MYO7A: variants seen among roughly 807,000 people sequenced by gnomAD.
MYO7A encodes unconventional myosin-VIIa.
In MYO7A, 210 loss-of-function variants were observed where a neutral mutation model predicts 263.8. That is an observed-to-expected ratio of 0.80 (90% CI 0.71 to 0.89). MYO7A has a LOEUF of 0.89. Among genes scored for constraint, MYO7A ranks in the 40% least tolerant of loss-of-function variants. MYO7A has a pLI of 0.00. For missense variants in MYO7A, 2,820 were observed against 2,968.3 expected (o/e 0.95, Z 1.16); for synonymous variants, 1,239 against 1,197.3 (o/e 1.03, Z -0.72).
rs1487030972 is a variant in MYO7A at position 77,184,606 on chromosome 11, G to A, written c.3394G>A (p.Asp1132Asn). 8 of 1,567,968 alleles carry A rather than the reference G, an allele frequency of 5.1e-6. No homozygotes were observed. The highest frequency in any genetic ancestry group is 6.9e-6 in the Non-Finnish European group (8 of 1,156,066). Residue 1132 changes from aspartate (D) to asparagine (N), a missense_variant, in exon 27 of 49, where the codon GAC (aspartate) becomes AAC (asparagine). Transcript: ENST00000409709. ...GGCCCAGGTGACCAAGAGGCTGCAT[G>A]ACGGGGAGTCCACAGTGCAGGGCAA... Reference protein sequence around the residue: ...LTEEVTKRLHDGESTVQGNSM... With the variant: ...LTEEVTKRLHNGESTVQGNSM...
Position 77,155,270 on chromosome 11 carries a change from G to T in MYO7A, c.286-637G>T, listed in dbSNP as rs536443432. On this transcript the variant is annotated intron_variant, in intron 4 of 48. Transcript: ENST00000409709. ...AGCCCAAGTAGAGAACCTCCTTAAG[G>T]CTATCTGAGGTGCACCTGGCCCCTG... Among the ~76,000 whole-genome samples the T allele has an allele frequency of 5.9e-5, 9 of 152,240 alleles. No homozygotes were observed. In the East Asian group the frequency reaches 1.7e-3, roughly 30 times the overall value.
intron 15 of MYO7A, among the ~76,000 whole-genome samples, chr11:77,171,991 G>T (rs1335840990): frequency 1.3e-5 from 2 of 152,346 alleles, no homozygotes; most frequent in African/African-American, 2.4e-5. Flanking sequence ...CAGTGCGGGG[G>T]GTTAGGAGGA....
At chr11:77,201,289 C>T (rs762434390) in intron 35 of MYO7A, among the ~76,000 whole-genome samples, 159 bp from the exon 36 acceptor site, 5 of 152,172 alleles carry the variant, frequency 3.3e-5, no homozygotes, top group Admixed American at 1.3e-4. Context: ...AGGAGAGTAG[C>T]CCACTCTGGT....
intron 4 of MYO7A, among the ~76,000 whole-genome samples, chr11:77,153,982 G>A (rs1268356776): frequency 3.3e-5 from 5 of 152,196 alleles, no homozygotes; most frequent in African/African-American, 1.2e-4. Context: ...GGGCATGGTG[G>A]CACATGCCTA....
chr11:77,180,271 T>G, intron 21 of MYO7A, 103 bp from the exon 22 acceptor site: 2 of 1,102,476 alleles, frequency 1.8e-6, no homozygotes, highest in Non-Finnish European at 2.7e-6. Flanking sequence ...ATCAAAGTCA[T>G]GCCCAGTTCC....
chr11:77,175,027 T>C, intron 17 of MYO7A, 113 bp downstream of exon 17: 1 of 1,350,632 alleles, frequency 7.4e-7, no homozygotes. Flanking sequence ...GCTTGACCTC[T>C]CAGGTGCAGC....
chr11:77,147,706 C>G, intron 3 of MYO7A, 92 bp from the exon 4 acceptor site: 5 of 1,531,616 alleles, frequency 3.3e-6, no homozygotes, highest in African/African-American at 1.4e-5. Context: ...CGGGTTGGCA[C>G]TCACCCCGCG....
In MYO7A at chr11:77,162,940, C is replaced by G; in HGVS notation, c.1642C>G (p.Gln548Glu). The G allele has an allele frequency of 6.2e-7, 1 of 1,613,854 alleles. No homozygotes were observed. Among genetic ancestry groups the G allele is most frequent in the Non-Finnish European group, 8.5e-7 (1 of 1,179,868 alleles). Residue 548 changes from glutamine to glutamate, a missense_variant, in exon 14 of 49, where the codon CAG becomes GAG. Physicochemically the swap from Gln to Glu is conservative, Grantham distance 29. Transcript: ENST00000409709. ...CCCCCCCAAGAACAACCATGAGACCCAGTTTGGCATCAACCATTTTGCAGG... is the reference window on the plus strand; with the variant it reads ...CCCCCCCAAGAACAACCATGAGACCGAGTTTGGCATCAACCATTTTGCAGG... ...YIPPKNNHET[Q>E]FGINHFAGIV...
chr11:77,191,001 A>G, intron 30 of MYO7A, 131 bp downstream of exon 30: 1 of 1,085,160 alleles, frequency 9.2e-7, no homozygotes, highest in East Asian at 2.6e-5. Flanking sequence ...AGCCTGTGCT[A>G]ATTGGCTCTG....
In MYO7A at chr11:77,197,463, G is replaced by A; in HGVS notation, c.4324-18G>A. On this transcript the variant is annotated intron_variant, in intron 32 of 48. Coordinates refer to ENST00000409709, the MANE Select transcript of MYO7A (RefSeq NM_000260.4). ...CTCGTATGTTGTCTTCTGTCCCTCT[G>A]TCCCTCTCTCCTTCCAGGGGATTTA... The A allele has an allele frequency of 6.5e-7, 1 of 1,544,868 alleles. No individual in the cohort carries two copies. Among genetic ancestry groups the A allele is most frequent in the South Asian group, 1.2e-5 (1 of 84,560 alleles).
chr11:77,147,762 C>A, intron 3 of MYO7A, 36 bp from the exon 4 acceptor site: 1 of 1,602,524 alleles, frequency 6.2e-7, no homozygotes, highest in Non-Finnish European at 8.5e-7. Context: ...CAGCCTGGGC[C>A]CCAGGAGAGC....
chr11:77,190,827 AGGACC>A lies in MYO7A; in HGVS notation c.3884_3888del (p.Asp1295ValfsTer11), dbSNP rs1206729462. ...GCGCTGGCCGACAAGATCTCTCTCA[AGGACC>A]GGTTCGGGTTCTCCCTCTACATTGC... On this transcript the variant is annotated frameshift_variant, in exon 30 of 49. Transcript: ENST00000409709. LOFTEE classifies it high-confidence loss of function. 1 of 1,589,310 alleles carries A rather than the reference AGGACC, an allele frequency of 6.3e-7. No individual in the cohort carries two copies. The highest frequency in any genetic ancestry group is 1.2e-5 in the South Asian group (1 of 86,690).
At chr11:77,158,479 T>C in intron 9 of MYO7A, 49 bp downstream of exon 9, 7 of 1,572,598 alleles carry the variant, frequency 4.5e-6, no homozygotes, top group Non-Finnish European at 6.0e-6. Flanking sequence ...CCAAGGGCAG[T>C]GCAGTGCCTT....
At chr11:77,212,915 G>A (rs1391636040) in intron 46 of MYO7A, 37 bp from the exon 47 acceptor site, 5 of 1,475,916 alleles carry the variant, frequency 3.4e-6, no homozygotes, top group Non-Finnish European at 4.7e-6. Context: ...TTCTTGCTCT[G>A]GGCCCCCATC....
intron 3 of MYO7A, among the ~76,000 whole-genome samples, chr11:77,145,762 G>A (rs1475503454): frequency 1.3e-5 from 2 of 152,174 alleles, no homozygotes; most frequent in African/African-American, 4.8e-5. Context: ...GCCCAGAAGT[G>A]CCGTGGAGTA....
intron 26 of MYO7A, 69 bp downstream of exon 26, chr11:77,183,226 G>A: frequency 7.5e-7 from 1 of 1,335,142 alleles, no homozygotes. Context: ...CTGGAGCACA[G>A]CTGAGCTGGG....
intron 15 of MYO7A, among the ~76,000 whole-genome samples, chr11:77,171,090 G>A (rs1246018199): frequency 6.6e-6 from 1 of 152,242 alleles, no homozygotes; most frequent in African/African-American, 2.4e-5. Flanking sequence ...TGTCCTCATG[G>A]GGCTCCCAGC....
chr11:77,208,450 TGAC>T lies in MYO7A; in HGVS notation c.5878_5880del (p.Asp1960del). The T allele has an allele frequency of 6.2e-7, 1 of 1,613,580 alleles. No individual in the cohort carries two copies. The highest frequency in any genetic ancestry group is 1.3e-5 in the African/African-American group (1 of 75,046). ...CCCAGGTCCTCAGCGTTCCTGAGAA[TGAC>T]TTCTTCTTTGACTTTGTTCGACACT... On this transcript the variant is annotated inframe_deletion, in exon 43 of 49. Coordinates refer to ENST00000409709, the MANE Select transcript of MYO7A (RefSeq NM_000260.4).
intron 4 of MYO7A, among the ~76,000 whole-genome samples, chr11:77,148,564 G>C (rs1555055435): frequency 6.6e-6 from 1 of 152,148 alleles, no homozygotes; most frequent in East Asian, 1.9e-4. Context: ...AGAGCAATAA[G>C]GGCCCGTGGA....
Sources: allele counts gnomAD v4.1 joint callset (sites outside exome capture counted in the v4.1 genomes callset), GRCh38; gene constraint gnomAD v4.1.1; transcripts MANE v1.5; gene names NCBI Gene and HGNC (gene_info 2026-07-23, HGNC 2026-07-21).